Variants in SLC24A2 observed in about 807,000 individuals in gnomAD.
SLC24A2 encodes the protein sodium/potassium/calcium exchanger 2.
SLC24A2 carries 36 observed loss-of-function variants against 62.0 expected under a neutral mutation model. The observed-to-expected ratio is 0.58, with a 90% CI of 0.44 to 0.77. The LOEUF (loss-of-function observed/expected upper bound fraction) is 0.77, where lower values mean the gene tolerates loss of function less well. Ranked by LOEUF, SLC24A2 falls within the 30% of genes least tolerant of loss-of-function variation. The pLI is 0.00. For synonymous variants in SLC24A2, 358 were observed against 294.0 expected (o/e 1.22, Z -2.23); for missense variants, 846 against 817.9 (o/e 1.03, Z -0.42).
intron 5 of SLC24A2, among the ~76,000 whole-genome samples, chr9:19,592,504 A>G (rs1310710206): frequency 5.5e-5 from 8 of 144,790 alleles, no homozygotes; most frequent in Non-Finnish European, 9.1e-5. Flanking sequence ...CCACCTACCT[A>G]CCTACCTACC....
At chr9:20,115,587 A>C in the SLC24A2 span, among the ~76,000 whole-genome samples, 1 of 152,184 alleles carries the variant, frequency 6.6e-6, no homozygotes, top group Non-Finnish European at 1.5e-5. Flanking sequence ...AGAGTATCCA[A>C]TGAACACGTC....
intron 2 of SLC24A2, among the ~76,000 whole-genome samples, chr9:19,750,575 C>A (rs1821953612): frequency 6.6e-6 from 1 of 152,122 alleles, no homozygotes; most frequent in Admixed American, 6.6e-5. Context: ...CTGAACTGAG[C>A]TCTGCCCCCG....
intron 7 of SLC24A2, among the ~76,000 whole-genome samples, chr9:19,567,303 T>C (rs1277698854): frequency 6.6e-6 from 1 of 151,812 alleles, no homozygotes; most frequent in Non-Finnish European, 1.5e-5. Context: ...TCCCAGCACT[T>C]TGGGAGGCCG....
chr9:19,699,662 A>C (rs2118517877), intron 2 of SLC24A2, among the ~76,000 whole-genome samples: 1 of 152,340 alleles, frequency 6.6e-6, no homozygotes, highest in East Asian at 1.9e-4. Flanking sequence ...TATCTGTATC[A>C]TAAACACTGG....
the SLC24A2 span, among the ~76,000 whole-genome samples, chr9:20,219,337 T>A: frequency 1.3e-5 from 2 of 152,120 alleles, no homozygotes; most frequent in Non-Finnish European, 2.9e-5. Flanking sequence ...AGCACAGAGA[T>A]CTGTTCCCAA....
the SLC24A2 span, among the ~76,000 whole-genome samples, chr9:19,800,933 C>T: frequency 6.6e-6 from 1 of 152,192 alleles, no homozygotes; most frequent in Admixed American, 6.5e-5. Context: ...ATAGATCACT[C>T]CACTTCTCTC....
At chr9:19,900,951 A>G in the SLC24A2 span, among the ~76,000 whole-genome samples, 2 of 152,210 alleles carry the variant, frequency 1.3e-5, no homozygotes, top group African/African-American at 4.8e-5. Flanking sequence ...TTAAATCACA[A>G]AAGTGCAAAG....
chr9:20,014,143 G>T, the SLC24A2 span, among the ~76,000 whole-genome samples: 1 of 152,130 alleles, frequency 6.6e-6, no homozygotes, highest in Non-Finnish European at 1.5e-5. Flanking sequence ...GGGAGGTCAA[G>T]GCTGCAGTGA....
At chr9:19,972,720 A>G in the SLC24A2 span, among the ~76,000 whole-genome samples, 21 of 152,334 alleles carry the variant, frequency 1.4e-4, no homozygotes, top group African/African-American at 5.1e-4. Flanking sequence ...GGTAATTCAT[A>G]TATTTTACAA....
At chr9:19,895,987 C>A in the SLC24A2 span, 10 of 1,591,338 alleles carry the variant, frequency 6.3e-6, no homozygotes, top group South Asian at 7.9e-5. Flanking sequence ...CTCAGGGACA[C>A]AAGGTGCCTC....
the SLC24A2 span, among the ~76,000 whole-genome samples, chr9:20,116,888 A>G: frequency 6.6e-6 from 1 of 152,160 alleles, no homozygotes; most frequent in East Asian, 1.9e-4. Flanking sequence ...AATGAGAAAC[A>G]AAAGCAGCCA....
chr9:19,872,124 T>C, the SLC24A2 span, among the ~76,000 whole-genome samples: 1 of 151,968 alleles, frequency 6.6e-6, no homozygotes, highest in Non-Finnish European at 1.5e-5. Context: ...GCTAGGATGG[T>C]ATGGTCAAAA....
At chr9:20,021,403 G>C in the SLC24A2 span, among the ~76,000 whole-genome samples, 1 of 151,676 alleles carries the variant, frequency 6.6e-6, no homozygotes, top group Non-Finnish European at 1.5e-5. Flanking sequence ...ATACATACAT[G>C]TATATAATCT....
At chr9:20,099,643 C>G in the SLC24A2 span, among the ~76,000 whole-genome samples, 1 of 152,186 alleles carries the variant, frequency 6.6e-6, no homozygotes. Flanking sequence ...CAGGCTCCTT[C>G]CAGGGGATGA....
At chr9:20,157,187 T>G in the SLC24A2 span, among the ~76,000 whole-genome samples, 6 of 151,196 alleles carry the variant, frequency 4.0e-5, no homozygotes, top group African/African-American at 1.5e-4. Flanking sequence ...ACCATAGGAG[T>G]GTTTTCTATT....
chr9:20,097,260 T>G, the SLC24A2 span, among the ~76,000 whole-genome samples: 2 of 152,180 alleles, frequency 1.3e-5, no homozygotes, highest in Non-Finnish European at 2.9e-5. Flanking sequence ...ATGGACAGAG[T>G]ACTCCAATTG....
At chr9:19,805,844 A>T in the SLC24A2 span, among the ~76,000 whole-genome samples, 1 of 151,894 alleles carries the variant, frequency 6.6e-6, no homozygotes, top group Non-Finnish European at 1.5e-5. Context: ...TTAAAAAAAA[A>T]AAAAAGCAAA....
At chr9:19,912,962 A>ATC in the SLC24A2 span, among the ~76,000 whole-genome samples, 1 of 151,958 alleles carries the variant, frequency 6.6e-6, no homozygotes, top group African/African-American at 2.4e-5. Flanking sequence ...AATGAACCTG[A>ATC]TCTCCATTTA....
At chr9:20,256,744 C>G in the SLC24A2 span, among the ~76,000 whole-genome samples, 1 of 152,132 alleles carries the variant, frequency 6.6e-6, no homozygotes, top group African/African-American at 2.4e-5. Context: ...GGAGATGATT[C>G]ATCTACCATA....
Sources: allele counts gnomAD v4.1 joint callset (sites outside exome capture counted in the v4.1 genomes callset), GRCh38; gene constraint gnomAD v4.1.1; transcripts MANE v1.5; gene names NCBI Gene and HGNC (gene_info 2026-07-23, HGNC 2026-07-21).